C5orf15: variants seen among roughly 807,000 people sequenced by gnomAD.
C5orf15 encodes keratinocyte-associated transmembrane protein 2.
A neutral mutation model predicts 17.8 loss-of-function variants in C5orf15; 10 were observed. That is an observed-to-expected ratio of 0.56 (90% CI 0.35 to 0.95). The LOEUF is 0.95. Ranked by LOEUF, C5orf15 falls within the 40% of genes least tolerant of loss-of-function variation. The probability of loss-of-function intolerance (pLI) is 0.02; values close to 1 mark genes in which losing one functional copy is unlikely to be tolerated. For synonymous variants in C5orf15, 124 were observed against 131.0 expected (o/e 0.95, Z 0.36); for missense variants, 319 against 331.7 (o/e 0.96, Z 0.30).
rs762539883 is a variant in C5orf15 at position 133,959,998 on chromosome 5, C to T, written c.162G>A (p.Pro54=). 9.3e-6 allele frequency: 15 copies of T among 1,608,356 alleles called. No homozygotes were observed. The highest frequency in any genetic ancestry group is 4.0e-5 in the African/African-American group (3 of 74,724). ...TATGTGAGTTGAGTACGGTTGGGCT[C>T]GGTGAATCAGTCCGTGATACAACTG... ...LSSVVSRTDS[P]SPTVLNSHIS... Residue 54 remains proline (P), a synonymous_variant, in exon 2 of 3, where the codon CCG becomes CCA. Coordinates refer to ENST00000231512, the MANE Select transcript of C5orf15 (RefSeq NM_020199.3).
chr5:133,968,367 T>C (rs1752226489), intron 1 of C5orf15, 79 bp downstream of exon 1: 7 of 1,536,022 alleles, frequency 4.6e-6, no homozygotes, highest in African/African-American at 2.8e-5. Context: ...GAAGCGCCCT[T>C]TCCCTGGCCC....
chr5:133,957,687 C>CT (rs80073477), intron 2 of C5orf15, among the ~76,000 whole-genome samples: 9,575 of 152,080 alleles, frequency 0.063, 395 homozygotes, highest in South Asian at 0.13. Flanking sequence ...GGTTGGTTTG[C>CT]TTTTTTTTGA....
At chr5:133,964,663 A>C (rs1752169874) in intron 1 of C5orf15, among the ~76,000 whole-genome samples, 1 of 152,234 alleles carries the variant, frequency 6.6e-6, no homozygotes, top group South Asian at 2.1e-4. Context: ...TGCCCCACTC[A>C]AAAAACAAAA....
intron 2 of C5orf15, among the ~76,000 whole-genome samples, chr5:133,958,870 A>C (rs1401741481): frequency 1.3e-5 from 2 of 152,150 alleles, no homozygotes; most frequent in Non-Finnish European, 2.9e-5. Flanking sequence ...TTCCTACTGA[A>C]GTAATGATGC....
Position 133,968,484 on chromosome 5 carries a change from A to C in C5orf15, c.101T>G (p.Val34Gly). The change falls in exon 1 of 3, where the codon GTC becomes GGC. Residue 34 changes from valine to glycine, a missense_variant. By Grantham distance (109) the Val-to-Gly change is moderately radical. Around this residue, in one of 3 missense-constraint regions of C5orf15, gnomAD observed 127 missense variants for 95.6 expected, o/e 1.33. Transcript: ENST00000231512. Reference sequence around the variant, plus strand: ...GGCGGACACAAGCAGGAGCGCCAAGACCAGCGGCCGCGCCAACCCCACAAG... The same window carrying C: ...GGCGGACACAAGCAGGAGCGCCAAGCCCAGCGGCCGCGCCAACCCCACAAG... ...QALVGLARPL[V>G]LALLLVSAAL... is the part of the protein sequence containing the mutation. 6.2e-7 allele frequency: 1 copy of C among 1,604,870 alleles called. No individual in the cohort carries two copies. Among genetic ancestry groups the C allele is most frequent in the Non-Finnish European group, 8.5e-7 (1 of 1,176,318 alleles).
At chr5:133,964,056 A>G (rs1156688286) in intron 1 of C5orf15, among the ~76,000 whole-genome samples, 1 of 152,116 alleles carries the variant, frequency 6.6e-6, no homozygotes, top group Non-Finnish European at 1.5e-5. Context: ...ATCTCTACCA[A>G]AAATACAAAA....
Position 133,968,474 on chromosome 5 carries a change from G to A in C5orf15, c.111C>T (p.Leu37=). The stretch of plus-strand genomic sequence containing the variant: ...TGGATAGAGCGGCGGACACAAGCAG[G>A]AGCGCCAAGACCAGCGGCCGCGCCA... ...VGLARPLVLA[L]LLVSAALSSV... The change falls in exon 1 of 3, where the codon CTC becomes CTT. Residue 37 remains leucine, a synonymous_variant. Transcript: ENST00000231512. The A allele has an allele frequency of 1.9e-6, 3 of 1,604,832 alleles. No individual in the cohort carries two copies. Among genetic ancestry groups the A allele is most frequent in the Non-Finnish European group, 2.6e-6 (3 of 1,176,190 alleles).
At chr5:133,960,554 T>C (rs1752109205) in intron 1 of C5orf15, among the ~76,000 whole-genome samples, 1 of 152,156 alleles carries the variant, frequency 6.6e-6, no homozygotes, top group Non-Finnish European at 1.5e-5. Context: ...TAAGTGATAC[T>C]TGAACTAGAG....
At chr5:133,958,576 C>CAAAAAAA (rs71581378) in intron 2 of C5orf15, among the ~76,000 whole-genome samples, 367 of 31,968 alleles carry the variant, frequency 0.011, 40 homozygotes, top group African/African-American at 0.028. Context: ...AGCTCTGTCT[C>CAAAAAAA]AAAAAAAAAA....
rs557703241 is a variant in C5orf15 at position 133,959,793 on chromosome 5, T to C, written c.367A>G (p.Ser123Gly). ...QEEADNNEDP[S>G]IEEEDLLMLN... ...ATGAGAAGATCCTCCTCCTCTATAC[T>C]AGGATCTTCATTGTTATCAGCTTCC... The change falls in exon 2 of 3, where the codon AGT becomes GGT. Residue 123 changes from serine (S) to glycine (G), a missense_variant. Ser to Gly is a moderately conservative substitution (Grantham distance 56, BLOSUM62 0). Transcript: ENST00000231512. 48 of 1,614,094 alleles carry C rather than the reference T, an allele frequency of 3.0e-5. No homozygotes were observed. The East Asian group carries it at 1.0e-3, about 34-fold the overall frequency.
chr5:133,964,467 G>T (rs1223162739), intron 1 of C5orf15, among the ~76,000 whole-genome samples: 1 of 152,130 alleles, frequency 6.6e-6, no homozygotes, highest in Non-Finnish European at 1.5e-5. Context: ...TATCCTTGTG[G>T]TGATGGTAAT....
chr5:133,966,405 A>G (rs1752192901), intron 1 of C5orf15, among the ~76,000 whole-genome samples: 1 of 152,168 alleles, frequency 6.6e-6, no homozygotes, highest in African/African-American at 2.4e-5. Flanking sequence ...AGTTTAGGTG[A>G]TCATTTGGGG....
rs1242559340 is a variant in C5orf15, at chr5:133,965,998, G to A, written c.139+2448C>T. 1.1e-4 allele frequency among the ~76,000 whole-genome samples: 17 copies of A among 152,140 alleles called. No homozygotes were observed. In the East Asian group the frequency reaches 2.9e-3, roughly 26 times the overall value. On this transcript the variant is annotated intron_variant, in intron 1 of 2. Transcript: ENST00000231512. ...CCAGCACTTTGGGAGGCCAAGGCGG[G>A]CGGATCACGAGGTCAGGAGATTGAG... is the stretch of plus-strand genomic sequence containing the variant.
intron 1 of C5orf15, among the ~76,000 whole-genome samples, chr5:133,963,216 C>T (rs531117056): frequency 4.6e-5 from 7 of 152,332 alleles, no homozygotes; most frequent in African/African-American, 1.4e-4. Flanking sequence ...ATCACATTTT[C>T]CTCTAACCAC....
intron 2 of C5orf15, among the ~76,000 whole-genome samples, chr5:133,958,576 CAAAAAA>C (rs71581378): frequency 9.4e-5 from 3 of 32,002 alleles, no homozygotes; most frequent in East Asian, 1.9e-3. Context: ...AGCTCTGTCT[CAAAAAA>C]AAAAAAAAAA....
chr5:133,964,522 AT>A (rs1355354066), intron 1 of C5orf15, among the ~76,000 whole-genome samples: 1 of 152,120 alleles, frequency 6.6e-6, no homozygotes, highest in Non-Finnish European at 1.5e-5. Context: ...TGGTCGTGAT[AT>A]TGCACTATTG....
intron 2 of C5orf15, among the ~76,000 whole-genome samples, chr5:133,958,717 ATT>A (rs1752074673): frequency 1.3e-5 from 2 of 151,934 alleles, no homozygotes; most frequent in Admixed American, 6.6e-5. Context: ...AGTAGTTTAA[ATT>A]TTCTTTTCTA....
At chr5:133,965,355 T>C (rs1752177512) in intron 1 of C5orf15, among the ~76,000 whole-genome samples, 1 of 152,154 alleles carries the variant, frequency 6.6e-6, no homozygotes, top group Admixed American at 6.5e-5. Flanking sequence ...GCAGAATGTC[T>C]TAGTCAAGCA....
At chr5:133,962,831 G>GA (rs1383642927) in intron 1 of C5orf15, among the ~76,000 whole-genome samples, 1 of 151,840 alleles carries the variant, frequency 6.6e-6, no homozygotes, top group African/African-American at 2.4e-5. Flanking sequence ...ATTCCCTTAC[G>GA]GTCACCATCA....
Sources: allele counts gnomAD v4.1 joint callset (sites outside exome capture counted in the v4.1 genomes callset), GRCh38; gene constraint gnomAD v4.1.1; regional missense constraint gnomAD v4.1.1; transcripts MANE v1.5; gene names NCBI Gene and HGNC (gene_info 2026-07-23, HGNC 2026-07-21).